The following DDX5 variants were observed in gnomAD, a reference collection of about 807,000 sequenced individuals.
DDX5 encodes probable ATP-dependent RNA helicase DDX5.
A neutral mutation model predicts 68.6 loss-of-function variants in DDX5; 6 were observed. The ratio of observed to expected loss-of-function variants is 0.09; its 90% CI spans 0.05 to 0.17. The LOEUF (loss-of-function observed/expected upper bound fraction) is 0.17. Among genes scored for constraint, DDX5 ranks in the 10% least tolerant of loss-of-function variants. DDX5 has a pLI of 1.00. For missense variants in DDX5, 499 were observed against 756.1 expected (o/e 0.66, Z 3.99); for synonymous variants, 350 against 247.0 (o/e 1.42, Z -3.91).
chr17:64,506,500 T>A (rs938198560), upstream of DDX5: 7 of 837,454 alleles, frequency 8.4e-6, no homozygotes, highest in Non-Finnish European at 1.2e-5. Context: ...CATTCTGCAC[T>A]CTCTTGACCT....
At chr17:64,505,066 T>TTA (rs1270768570) in intron 1 of DDX5, 1 of 417,448 alleles carries the variant, frequency 2.4e-6, no homozygotes, top group African/African-American at 2.1e-5. Flanking sequence ...AGCCTGGGAT[T>TTA]TATCATGTCG....
upstream of DDX5, chr17:64,506,451 A>G (rs2038530621): frequency 3.9e-6 from 5 of 1,297,980 alleles, no homozygotes; most frequent in South Asian, 6.2e-5. Context: ...TCCCCGCGCC[A>G]CTCTCTCAGG....
rs1555670912 is a variant in DDX5, at chr17:64,500,613, C to T, written c.1377G>A (p.Val459=). Residue 459 remains valine, a synonymous_variant, in exon 12 of 13, where the codon GTG becomes GTA. Coordinates refer to ENST00000225792, the MANE Select transcript of DDX5 (RefSeq NM_004396.5). ...NIKQVSDLIS[V]LREANQAINP... Reference sequence around the variant, plus strand: ...TAATTGCTTGATTAGCTTCACGAAGCACAGAGATAAGGTCGCTCACTTGCT... The same window carrying T: ...TAATTGCTTGATTAGCTTCACGAAGTACAGAGATAAGGTCGCTCACTTGCT... The T allele has an allele frequency of 6.2e-7, 1 of 1,614,210 alleles. No homozygotes were observed. Among genetic ancestry groups the T allele is most frequent in the South Asian group, 1.1e-5 (1 of 91,076 alleles).
intron 2 of DDX5, 128 bp downstream of exon 2, chr17:64,504,549 T>A: frequency 2.5e-6 from 3 of 1,188,826 alleles, no homozygotes; most frequent in African/African-American, 3.1e-5. Flanking sequence ...GTCACACCTT[T>A]CCCAATTATG....
chr17:64,502,311 A>C, intron 9 of DDX5, 88 bp from the exon 10 acceptor site: 1 of 1,496,808 alleles, frequency 6.7e-7, no homozygotes, highest in Non-Finnish European at 9.2e-7. Context: ...AGATCTCTTT[A>C]ATTTCGCCAG....
At chr17:64,502,799 G>C (rs2038332799) in intron 8 of DDX5, 127 bp downstream of exon 8, 2 of 981,894 alleles carry the variant, frequency 2.0e-6, no homozygotes, top group South Asian at 3.6e-5. Context: ...AAATTTTCAG[G>C]ATTAGTAGGC....
chr17:64,506,515 T>C, upstream of DDX5: 3 of 743,806 alleles, frequency 4.0e-6, no homozygotes, highest in Non-Finnish European at 5.8e-6. Flanking sequence ...TGACCTCACC[T>C]TCTTCTGGTC....
upstream of DDX5, chr17:64,506,611 A>T (rs1411030479): frequency 5.1e-6 from 2 of 389,960 alleles, no homozygotes; most frequent in Non-Finnish European, 9.5e-6. Context: ...ACGTCTCCAA[A>T]GAGCCCTCAC....
In DDX5 at chr17:64,499,865, A is replaced by C. The variant is rs2038251170; in HGVS notation, c.*58T>G. ...TTCTTAAATAACTATCTTGTCAGAT[A>C]ACACACAATATAAAGAGCAATTATG... On this transcript the variant is annotated 3_prime_UTR_variant, in exon 13 of 13. Coordinates refer to ENST00000225792, the MANE Select transcript of DDX5 (RefSeq NM_004396.5). 2 of 1,446,622 alleles carry C rather than the reference A, an allele frequency of 1.4e-6. No individual in the cohort carries two copies. Among genetic ancestry groups the C allele is most frequent in the African/African-American group, 1.4e-5 (1 of 70,858 alleles). The allele number at this position is 1,446,622 out of a possible 1,614,324, so 89.6% of individuals were successfully genotyped here. A position where few individuals can be genotyped will look rare whatever the true frequency, so the allele number is the denominator to read the frequency against.
At chr17:64,502,630 A>G in intron 8 of DDX5, 81 bp from the exon 9 acceptor site, 1 of 1,014,974 alleles carries the variant, frequency 9.9e-7, no homozygotes, top group Non-Finnish European at 1.5e-6. Flanking sequence ...TCAGCAAAAC[A>G]TTAAGTTCAA....
chr17:64,499,918 A>C lies in DDX5; in HGVS notation c.*5T>G. 1 of 1,575,946 alleles carries C rather than the reference A, an allele frequency of 6.3e-7. No homozygotes were observed. The highest frequency in any genetic ancestry group is 8.6e-7 in the Non-Finnish European group (1 of 1,159,782). On this transcript the variant is annotated 3_prime_UTR_variant, in exon 13 of 13. Coordinates refer to ENST00000225792, the MANE Select transcript of DDX5 (RefSeq NM_004396.5). ...AAACAGACATTTACATATACTTCTA[A>C]AGTCTTATTGGGAATATCCTGTTGG... is the stretch of plus-strand genomic sequence containing the variant.
intron 1 of DDX5, 57 bp downstream of exon 1, chr17:64,506,019 G>GTGCCCCCCCCCCC: frequency 2.2e-6 from 3 of 1,360,418 alleles, no homozygotes; most frequent in Non-Finnish European, 2.0e-6. Context: ...CCGCCACCCT[G>GTGCCCCCCCCCCC]ACCCGCCCTC....
In DDX5 at chr17:64,499,822, T is replaced by C; in HGVS notation, c.*101A>G. ...CATAATTACTGCTGCACTGCAGTCA[T>C]TTCTGCAATTCCCATGTTTCTTAAA... On this transcript the variant is annotated 3_prime_UTR_variant, in exon 13 of 13. Transcript: ENST00000225792. 5 of 1,175,384 alleles carry C rather than the reference T, an allele frequency of 4.3e-6. No individual in the cohort carries two copies. In the South Asian group the frequency reaches 7.1e-5, roughly 17 times the overall value. 72.8% of individuals were successfully genotyped at this position (1,175,384 alleles called of 1,614,324 possible).
chr17:64,506,364 T>TA (rs1471833705), upstream of DDX5: 3 of 1,426,038 alleles, frequency 2.1e-6, no homozygotes, highest in Admixed American at 8.1e-5. Flanking sequence ...GGAGCCGCTC[T>TA]ATGACCTAAT....
At position 64,499,301 on chromosome 17, in the gene DDX5, T is replaced by C. The variant is rs1390205121; in HGVS notation, c.*622A>G. Among the ~76,000 whole-genome samples the C allele has an allele frequency of 1.3e-5, 2 of 152,156 alleles. No individual in the cohort carries two copies. The highest frequency in any genetic ancestry group is 2.1e-4 in the South Asian group (1 of 4,828). ...GATGACTTTGTATCTATTTTACTATTTTCTCATTTAACCATACTAGCAAAT... is the reference window on the plus strand; with the variant it reads ...GATGACTTTGTATCTATTTTACTATCTTCTCATTTAACCATACTAGCAAAT... On this transcript the variant is annotated 3_prime_UTR_variant, in exon 13 of 13. Coordinates refer to ENST00000225792, the MANE Select transcript of DDX5 (RefSeq NM_004396.5).
chr17:64,504,076 T>G lies in DDX5; in HGVS notation c.348A>C (p.Glu116Asp), dbSNP rs1555671628. ...ATCCCTGAGCTTGAATAGCAGTGGGTTCAGTGAAATTCTGTCTTGCAATAA... is the reference window on the plus strand; with the variant it reads ...ATCCCTGAGCTTGAATAGCAGTGGGGTCAGTGAAATTCTGTCTTGCAATAA... ...MDVIARQNFT[E>D]PTAIQAQGWP... Residue 116 changes from glutamate to aspartate, a missense_variant, in exon 4 of 13, where the codon GAA (glutamate) becomes GAC (aspartate). By Grantham distance (45) the Glu-to-Asp change is conservative. Coordinates refer to ENST00000225792, the MANE Select transcript of DDX5 (RefSeq NM_004396.5). The G allele has an allele frequency of 6.2e-7, 1 of 1,614,098 alleles. No individual in the cohort carries two copies. Among genetic ancestry groups the G allele is most frequent in the Admixed American group, 1.7e-5 (1 of 60,028 alleles).
At chr17:64,501,889 C>G (rs2038305521) in intron 11 of DDX5, 121 bp downstream of exon 11, 1 of 998,778 alleles carries the variant, frequency 1.0e-6, no homozygotes, top group African/African-American at 1.6e-5. Flanking sequence ...ACAAAGACAG[C>G]ACCTTTATGT....
chr17:64,506,774 C>T (rs1325480759), upstream of DDX5: 2 of 524,446 alleles, frequency 3.8e-6, no homozygotes, highest in South Asian at 2.1e-5. Flanking sequence ...GCTGCTCGCA[C>T]CCCGGGACCC....
At chr17:64,500,475 C>G (rs1481820193) in intron 12 of DDX5, 74 bp downstream of exon 12, 2 of 1,537,846 alleles carry the variant, frequency 1.3e-6, no homozygotes, top group Non-Finnish European at 1.8e-6. Flanking sequence ...ACTCACCCTC[C>G]AATACCATTT....
Sources: allele counts gnomAD v4.1 joint callset (sites outside exome capture counted in the v4.1 genomes callset), GRCh38; gene constraint gnomAD v4.1.1; transcripts MANE v1.5; gene names NCBI Gene and HGNC (gene_info 2026-07-23, HGNC 2026-07-21).